The following BOLL variants were observed in gnomAD, a reference collection of about 807,000 sequenced individuals.
BOLL encodes the protein boule RNA binding protein.
Under a neutral mutation model 44.4 loss-of-function variants are expected in BOLL, and 23 were observed. The ratio of observed to expected loss-of-function variants is 0.52; its 90% confidence interval spans 0.37 to 0.73. BOLL has a LOEUF of 0.73. BOLL is among the 30% of genes least tolerant of loss of function. BOLL has a pLI of 0.00. For missense variants in BOLL, 287 were observed against 338.3 expected (o/e 0.85, Z 1.19); for synonymous variants, 97 against 110.8 (o/e 0.88, Z 0.78).
intron 7 of BOLL, among the ~76,000 whole-genome samples, chr2:197,757,737 A>G (rs902223160): frequency 3.9e-5 from 6 of 152,198 alleles, no homozygotes; most frequent in African/African-American, 1.4e-4. Flanking sequence ...TGCAAGTGAA[A>G]ATACAACCCA....
At chr2:197,769,104 A>C (rs988498672) in intron 6 of BOLL, among the ~76,000 whole-genome samples, 2 of 151,776 alleles carry the variant, frequency 1.3e-5, no homozygotes, top group Admixed American at 1.3e-4. Flanking sequence ...TTCATCAAGG[A>C]TATTGGTCTA....
chr2:197,769,576 T>A (rs1279000627), intron 6 of BOLL, among the ~76,000 whole-genome samples: 1 of 152,180 alleles, frequency 6.6e-6, no homozygotes, highest in Non-Finnish European at 1.5e-5. Context: ...TCTTTGCAGA[T>A]GACATGATTG....
intron 2 of BOLL, among the ~76,000 whole-genome samples, chr2:197,781,299 T>G (rs556461745): frequency 1.3e-5 from 2 of 151,956 alleles, no homozygotes; most frequent in Non-Finnish European, 1.5e-5. Context: ...GAGATAAGAG[T>G]TGGGGTAAAG....
intron 7 of BOLL, among the ~76,000 whole-genome samples, chr2:197,758,771 C>T (rs1362148685): frequency 1.3e-5 from 2 of 151,974 alleles, no homozygotes; most frequent in Non-Finnish European, 2.9e-5. Flanking sequence ...ATATAATAAA[C>T]CACAATATAT....
chr2:197,727,515 T>C lies in BOLL; in HGVS notation c.*1040A>G, dbSNP rs763396258. 2.6e-5 allele frequency: 4 copies of C among 152,354 alleles called. No homozygotes were observed. Among genetic ancestry groups the C allele is most frequent in the Non-Finnish European group, 5.9e-5 (4 of 68,026 alleles). The allele number at this position is 152,354 out of a possible 1,614,324, so 9.4% of individuals were successfully genotyped here. Reference sequence around the variant, plus strand: ...AACAATGAATGACACCCCTCCCATCTATTTTCCAATTTTATAGTAAAAATC... The same window carrying C: ...AACAATGAATGACACCCCTCCCATCCATTTTCCAATTTTATAGTAAAAATC... On this transcript the variant is annotated 3_prime_UTR_variant, in exon 11 of 11. Coordinates refer to ENST00000392296, the MANE Select transcript of BOLL (RefSeq NM_033030.6).
intron 9 of BOLL, among the ~76,000 whole-genome samples, chr2:197,755,536 A>G (rs956666181): frequency 1.3e-5 from 2 of 152,254 alleles, no homozygotes; most frequent in Admixed American, 1.3e-4. Context: ...AATGTGGTAC[A>G]TATACATCAT....
chr2:197,743,963 C>A (rs1022217225), intron 9 of BOLL, among the ~76,000 whole-genome samples: 1 of 151,992 alleles, frequency 6.6e-6, no homozygotes, highest in African/African-American at 2.4e-5. Context: ...GGTGCCGCCA[C>A]TACACCCGGC....
At chr2:197,779,981 A>G (rs1689694132) in intron 2 of BOLL, among the ~76,000 whole-genome samples, 1 of 152,036 alleles carries the variant, frequency 6.6e-6, no homozygotes, top group African/African-American at 2.4e-5. Flanking sequence ...ATTGGTTTTT[A>G]GTTGGTAACA....
At chr2:197,735,958 T>C (rs1687464947) in intron 10 of BOLL, among the ~76,000 whole-genome samples, 1 of 152,142 alleles carries the variant, frequency 6.6e-6, no homozygotes, top group Non-Finnish European at 1.5e-5. Context: ...GGGAAGTTCT[T>C]TGTGCATGGT....
chr2:197,745,028 G>C (rs1318022854), intron 9 of BOLL, among the ~76,000 whole-genome samples: 1 of 152,156 alleles, frequency 6.6e-6, no homozygotes, highest in Non-Finnish European at 1.5e-5. Flanking sequence ...AGAAGCTAAG[G>C]ATGAGTTACG....
intron 9 of BOLL, among the ~76,000 whole-genome samples, chr2:197,747,479 A>T (rs1170584554): frequency 6.8e-6 from 1 of 147,040 alleles, no homozygotes; most frequent in African/African-American, 2.5e-5. Flanking sequence ...GCTACTTGGG[A>T]GGCTGAGGCA....
chr2:197,778,823 C>A (rs1689638437), intron 3 of BOLL, 152 bp downstream of exon 3: 1 of 609,266 alleles, frequency 1.6e-6, no homozygotes, highest in Non-Finnish European at 2.8e-6. Context: ...CACACACACA[C>A]ACACACACAA....
In BOLL at chr2:197,785,048, G is replaced by A. The variant is rs886092706; in HGVS notation, c.-16+8C>T. 2 of 986,006 alleles carry A rather than the reference G, an allele frequency of 2.0e-6. No individual in the cohort carries two copies. Among genetic ancestry groups the A allele is most frequent in the South Asian group, 9.4e-5 (2 of 21,282 alleles). 61.1% of individuals were successfully genotyped at this position (986,006 alleles called of 1,614,324 possible). A position where few individuals can be genotyped will look rare whatever the true frequency, so the allele number is the denominator to read the frequency against. On this transcript the variant is annotated splice_region_variant and intron_variant, in intron 1 of 10. Coordinates refer to ENST00000392296, the MANE Select transcript of BOLL (RefSeq NM_033030.6). The surrounding 1 kb of genome is among the most constrained non-coding windows in gnomAD (Gnocchi z 6.7). ...GCAAACGAAGACAGCAGGAACGGGC[G>A]GGCTAACCGTCGCAGTCACTGCCTC...
intron 9 of BOLL, among the ~76,000 whole-genome samples, chr2:197,752,837 T>G (rs1032972760): frequency 7.2e-5 from 11 of 152,014 alleles, no homozygotes; most frequent in Non-Finnish European, 1.5e-4. Context: ...AAAGAGGCCA[T>G]ATAACCAAGA....
chr2:197,731,255 AAG>A (rs906547710), intron 10 of BOLL, among the ~76,000 whole-genome samples: 4 of 151,632 alleles, frequency 2.6e-5, no homozygotes, highest in Admixed American at 1.3e-4. Context: ...GTTCAACAAG[AAG>A]AGCTAACTAT....
chr2:197,784,821 C>CA, intron 1 of BOLL: 1 of 987,546 alleles, frequency 1.0e-6, no homozygotes, highest in South Asian at 4.7e-5. Flanking sequence ...AGTTAAACAA[C>CA]AAAGAAAGCC....
At chr2:197,742,508 T>C (rs1648648875) in intron 10 of BOLL, among the ~76,000 whole-genome samples, 1 of 152,210 alleles carries the variant, frequency 6.6e-6, no homozygotes, top group African/African-American at 2.4e-5. Context: ...GTTCATGTCC[T>C]TTGTAGGGAC....
At chr2:197,754,750 A>AACACACAC (rs142614771) in intron 9 of BOLL, among the ~76,000 whole-genome samples, 168 of 150,080 alleles carry the variant, frequency 1.1e-3, no homozygotes, top group East Asian at 5.8e-3. Context: ...AAAACCCCAA[A>AACACACAC]ACACACACAC....
intron 5 of BOLL, among the ~76,000 whole-genome samples, chr2:197,775,268 G>T (rs944937299): frequency 1.3e-5 from 2 of 151,686 alleles, no homozygotes; most frequent in Non-Finnish European, 2.9e-5. Flanking sequence ...TCTGATATTA[G>T]TTCTATGTTT....
Sources: allele counts gnomAD v4.1 joint callset (sites outside exome capture counted in the v4.1 genomes callset), GRCh38; gene constraint gnomAD v4.1.1; non-coding constraint Gnocchi (gnomAD v3.1); transcripts MANE v1.5; gene names NCBI Gene and HGNC (gene_info 2026-07-23, HGNC 2026-07-21).